The following XKR5 variants were observed in gnomAD, a reference collection of about 807,000 sequenced individuals.
XKR5 encodes XK related 5, also known as XK-related protein 5.
XKR5 carries 46 observed loss-of-function variants against 40.8 expected under a neutral mutation model. That is an observed-to-expected ratio of 1.13 (90% CI 0.89 to 1.44). The LOEUF (loss-of-function observed/expected upper bound fraction) is 1.44. Among genes scored for constraint, XKR5 ranks in the 40% most tolerant of loss-of-function variants. XKR5 has a pLI of 0.00. For synonymous variants in XKR5, 466 were observed against 356.1 expected, an observed-to-expected ratio of 1.31 and a Z score of -3.48; for missense variants, 1,169 against 844.7, an observed-to-expected ratio of 1.38 and a Z score of -4.76.
At chr8:6,827,691 C>T (rs748244025) in intron 2 of XKR5, among the ~76,000 whole-genome samples, 2 of 152,146 alleles carry the variant, frequency 1.3e-5, no homozygotes, top group African/African-American at 4.8e-5. Context: ...TCATTTGTTC[C>T]TGACATGGGG....
chr8:6,817,535 C>A (rs1404133110), intron 5 of XKR5, among the ~76,000 whole-genome samples: 1 of 151,896 alleles, frequency 6.6e-6, no homozygotes, highest in African/African-American at 2.4e-5. Context: ...AAACACTGAC[C>A]GAGTTTCCAG....
At chr8:6,816,686 AATT>A (rs1270825526) in intron 5 of XKR5, among the ~76,000 whole-genome samples, 1 of 111,042 alleles carries the variant, frequency 9.0e-6, no homozygotes, top group East Asian at 1.6e-3. Flanking sequence ...TATTTAATTT[AATT>A]AAAAATAATT....
intron 6 of XKR5, among the ~76,000 whole-genome samples, chr8:6,813,662 C>T (rs1026730509): frequency 3.9e-5 from 6 of 152,172 alleles, no homozygotes; most frequent in African/African-American, 1.4e-4. Flanking sequence ...GGAGGAGGAG[C>T]GGCAGACAAG....
At chr8:6,830,295 T>TCTA (rs1378914478) in intron 2 of XKR5, among the ~76,000 whole-genome samples, 17 of 152,240 alleles carry the variant, frequency 1.1e-4, no homozygotes, top group African/African-American at 3.9e-4. Flanking sequence ...CAGGTCCTTT[T>TCTA]CTAGAATTGC....
At chr8:6,830,364 A>C (rs1167603901) in intron 2 of XKR5, among the ~76,000 whole-genome samples, 1 of 152,162 alleles carries the variant, frequency 6.6e-6, no homozygotes, top group African/African-American at 2.4e-5. Flanking sequence ...TTGTCTTTGA[A>C]CCCTATGTGC....
Position 6,811,330 on chromosome 8 carries a change from A to G in XKR5, c.1929T>C (p.Gly643=), listed in dbSNP as rs1217090525. The change falls in exon 7 of 7, where the codon GGT becomes GGC. Residue 643 remains glycine (G), a synonymous_variant. Transcript: ENST00000618742. ...TCAGCTGTGGCAATGACACCCACAC[A>G]CCAACAGCTGCATGGTGACTTAGCT... ...KRELSHHAAV[G]VWVSLPQLRT... is the part of the protein sequence containing the mutation. 1.3e-6 allele frequency: 2 copies of G among 1,537,332 alleles called. No individual in the cohort carries two copies. Among genetic ancestry groups the G allele is most frequent in the Admixed American group, 2.0e-5 (1 of 51,006 alleles).
At chr8:6,825,842 C>T (rs1056190772) in intron 2 of XKR5, among the ~76,000 whole-genome samples, 9 of 152,172 alleles carry the variant, frequency 5.9e-5, no homozygotes, top group African/African-American at 2.2e-4. Flanking sequence ...AAAACTGGGG[C>T]ACATGAAGAG....
chr8:6,818,860 G>C (rs1804088408), intron 5 of XKR5, among the ~76,000 whole-genome samples: 1 of 152,196 alleles, frequency 6.6e-6, no homozygotes, highest in African/African-American at 2.4e-5. Context: ...GCGGTGGCCT[G>C]TTGGTTAAAG....
rs571045824 is a variant in XKR5, at chr8:6,834,343, C to G, written c.58+1093G>C. Among the ~76,000 whole-genome samples the G allele has an allele frequency of 2.0e-5, 3 of 152,376 alleles. No homozygotes were observed. In the South Asian group the frequency reaches 6.2e-4, roughly 32 times the overall value. ...AGCTCTAGACCGCGGGGTCCGGGCT[C>G]AGGCAGCCCTTAGCGCCCAGGCTGG... On this transcript the variant is annotated intron_variant, in intron 1 of 6. Transcript: ENST00000618742.
intron 2 of XKR5, 79 bp from the exon 3 acceptor site, chr8:6,825,428 T>A: frequency 7.3e-7 from 1 of 1,368,498 alleles, no homozygotes; most frequent in Non-Finnish European, 9.7e-7. Flanking sequence ...TTTAGAGACA[T>A]ACTACATGCT....
chr8:6,819,400 C>T (rs1375763409), intron 5 of XKR5, among the ~76,000 whole-genome samples: 1 of 152,230 alleles, frequency 6.6e-6, no homozygotes, highest in Non-Finnish European at 1.5e-5. Context: ...GCACTGTGGC[C>T]TCAGGCTTCC....
At chr8:6,818,520 G>A (rs1392803439) in intron 5 of XKR5, among the ~76,000 whole-genome samples, 1 of 152,266 alleles carries the variant, frequency 6.6e-6, no homozygotes, top group East Asian at 1.9e-4. Context: ...CCCATAACGG[G>A]TGAAAGAAGT....
At position 6,827,952 on chromosome 8, in the gene XKR5, C is replaced by T. The variant is rs191264071; in HGVS notation, c.243-2603G>A. The stretch of plus-strand genomic sequence containing the variant: ...GGATAGTGGTGGGTGCCTGTAGTCC[C>T]AGCTACTCAGGAGGCTGAGATGGGA... On this transcript the variant is annotated intron_variant, in intron 2 of 6. Coordinates refer to ENST00000618742, the MANE Select transcript of XKR5 (RefSeq NM_207411.5). Among the ~76,000 whole-genome samples the T allele has an allele frequency of 1.3e-3, 204 of 152,098 alleles. 1 individual carries two copies. Among genetic ancestry groups the T allele is most frequent in the Middle Eastern group, 3.4e-3 (1 of 294 alleles).
chr8:6,815,767 G>C, intron 6 of XKR5, 40 bp downstream of exon 6: 1 of 1,400,022 alleles, frequency 7.1e-7, no homozygotes, highest in Non-Finnish European at 9.9e-7. Context: ...AAAATACGTT[G>C]GGGAGGGGAT....
At chr8:6,826,645 TG>T (rs1261638813) in intron 2 of XKR5, among the ~76,000 whole-genome samples, 1 of 152,048 alleles carries the variant, frequency 6.6e-6, no homozygotes, top group African/African-American at 2.4e-5. Context: ...CAGTGAGGAA[TG>T]TGAGGATGGG....
At chr8:6,815,754 A>G in intron 6 of XKR5, 53 bp downstream of exon 6, 1 of 1,367,072 alleles carries the variant, frequency 7.3e-7, no homozygotes, top group Non-Finnish European at 1.0e-6. Context: ...ATTGTAAAAA[A>G]AAAAAATACG....
intron 6 of XKR5, among the ~76,000 whole-genome samples, chr8:6,812,688 T>G (rs192079906): frequency 6.6e-6 from 1 of 152,336 alleles, no homozygotes; most frequent in Non-Finnish European, 1.5e-5. Context: ...ACAAAATGTT[T>G]GGCAGAAATA....
chr8:6,831,493 G>A (rs1563364226), intron 2 of XKR5, among the ~76,000 whole-genome samples: 1 of 152,118 alleles, frequency 6.6e-6, no homozygotes, highest in South Asian at 2.1e-4. Context: ...TACTCTGGGC[G>A]GGACGGCACC....
intron 2 of XKR5, among the ~76,000 whole-genome samples, chr8:6,832,429 C>G (rs1190675693): frequency 6.6e-6 from 1 of 152,126 alleles, no homozygotes; most frequent in Non-Finnish European, 1.5e-5. Flanking sequence ...AACGGCTCAA[C>G]CAACAAATCA....
Sources: gnomAD v4.1 joint callset for allele counts (sites outside exome capture counted in the v4.1 genomes callset) on GRCh38, gnomAD v4.1.1 for gene constraint, MANE v1.5 for transcripts, NCBI Gene and HGNC (gene_info 2026-07-23, HGNC 2026-07-21) for gene names.